Variants in SLC38A4 observed in about 807,000 individuals in gnomAD.
SLC38A4 encodes solute carrier family 38 member 4, also known as sodium-coupled neutral amino acid transporter 4.
Under a neutral mutation model 63.1 loss-of-function variants are expected in SLC38A4, and 20 were observed. That is an observed-to-expected ratio of 0.32 (90% CI 0.22 to 0.46). The LOEUF is 0.46. SLC38A4 is among the 20% of genes least tolerant of loss of function. SLC38A4 has a pLI of 1.00. For synonymous variants in SLC38A4, 230 were observed against 225.5 expected (o/e 1.02, Z -0.18); for missense variants, 526 against 663.6 (o/e 0.79, Z 2.28).
chr12:46,783,564 G>A (rs1252036684), intron 7 of SLC38A4, among the ~76,000 whole-genome samples: 1 of 152,046 alleles, frequency 6.6e-6, no homozygotes, highest in Non-Finnish European at 1.5e-5. Context: ...CTGTGGTCAT[G>A]AGGACGGACA....
intron 3 of SLC38A4, among the ~76,000 whole-genome samples, chr12:46,792,428 T>C (rs1290793919): frequency 6.6e-6 from 1 of 152,068 alleles, no homozygotes; most frequent in Non-Finnish European, 1.5e-5. Context: ...GAGTTCAGTA[T>C]TAGACATTAC....
Position 46,802,075 on chromosome 12 carries a change from T to C in SLC38A4, c.-113+1528A>G, listed in dbSNP as rs917739795. On this transcript the variant is annotated intron_variant, in intron 2 of 16. Coordinates refer to ENST00000266579, the MANE Select transcript of SLC38A4 (RefSeq NM_018018.5). Reference sequence around the variant, plus strand: ...TCTGAAAAGATTACATGCTTGCTAATATAAGAATTAAAGCAGCCATTTGAT... The same window carrying C: ...TCTGAAAAGATTACATGCTTGCTAACATAAGAATTAAAGCAGCCATTTGAT... Among the ~76,000 whole-genome samples the C allele has an allele frequency of 3.9e-5, 6 of 152,102 alleles. 1 individual carries two copies. The highest frequency in any genetic ancestry group is 3.9e-4 in the Admixed American group (6 of 15,258).
chr12:46,788,483 A>G lies in SLC38A4; in HGVS notation c.210+45T>C, dbSNP rs188379180. On this transcript the variant is annotated intron_variant, in intron 4 of 16. Transcript: ENST00000266579. ...TCCCACAGAGACCTAGGTAGATCAG[A>G]CACCCTCAGTCCCGTTTATTGCCTG... 12 of 1,476,064 alleles carry G rather than the reference A, an allele frequency of 8.1e-6. No homozygotes were observed. In the East Asian group the frequency reaches 1.6e-4, roughly 19 times the overall value. The allele number at this position is 1,476,064 out of a possible 1,614,324, so 91.4% of individuals were successfully genotyped here. A position where few individuals can be genotyped will look rare whatever the true frequency, so the allele number is the denominator to read the frequency against.
chr12:46,780,334 A>G (rs1214782622), intron 7 of SLC38A4, among the ~76,000 whole-genome samples: 2 of 151,910 alleles, frequency 1.3e-5, no homozygotes, highest in Non-Finnish European at 2.9e-5. Context: ...CATAGCCCAT[A>G]CTCAGTGTGC....
chr12:46,788,162 A>C (rs1212905969), intron 4 of SLC38A4, 131 bp from the exon 5 acceptor site: 1 of 641,440 alleles, frequency 1.6e-6, no homozygotes, highest in African/African-American at 1.8e-5. Flanking sequence ...ACAGGAGTAA[A>C]GCCATTACTC....
chr12:46,788,570 T>G lies in SLC38A4; in HGVS notation c.168A>C (p.Gly56=), dbSNP rs747264402. 1 of 1,613,754 alleles carries G rather than the reference T, an allele frequency of 6.2e-7. No individual in the cohort carries two copies. Among genetic ancestry groups the G allele is most frequent in the East Asian group, 2.2e-5 (1 of 44,854 alleles). Residue 56 remains glycine, a synonymous_variant, in exon 4 of 17, where the codon GGA becomes GGC. Transcript: ENST00000266579. ...DTESQKFLTN[G]FLGKKKLADY... is the part of the protein sequence containing the mutation. ...CTGCCAGCTTCTTTTTCCCCAAAAA[T>G]CCATTTGTCAGGAATTTCTGACTTT...
Position 46,766,740 on chromosome 12 carries a change from A to G in SLC38A4, c.1605T>C (p.Ile535=). Residue 535 remains isoleucine (I), a synonymous_variant, in exon 17 of 17, where the codon ATT becomes ATC. Transcript: ENST00000266579. ...AATTTGGAGGATCATAAATCCAGTC[A>G]ATTATAATGAGTGCCATGCTTCCAA... is the stretch of plus-strand genomic sequence containing the variant. ...FMIGSMALII[I]DWIYDPPNSK... is the part of the protein sequence containing the mutation. 1.9e-6 allele frequency: 3 copies of G among 1,612,236 alleles called. No homozygotes were observed. The highest frequency in any genetic ancestry group is 2.5e-6 in the Non-Finnish European group (3 of 1,178,908).
chr12:46,800,065 T>G (rs1939098312), intron 2 of SLC38A4, among the ~76,000 whole-genome samples: 1 of 152,072 alleles, frequency 6.6e-6, no homozygotes, highest in South Asian at 2.1e-4. Flanking sequence ...AACATAAAAT[T>G]TTCATAGGCA....
intron 7 of SLC38A4, 37 bp downstream of exon 7, chr12:46,784,505 A>C (rs1187972830): frequency 1.3e-5 from 20 of 1,531,458 alleles, no homozygotes; most frequent in Non-Finnish European, 1.8e-5. Context: ...ACGCTATAGA[A>C]AGTTTATGGG....
chr12:46,780,000 T>G lies in SLC38A4; in HGVS notation c.524A>C (p.Tyr175Ser). The change falls in exon 8 of 17, where the codon TAT (tyrosine) becomes TCT (serine). Residue 175 changes from tyrosine (Y) to serine (S), a missense_variant. Coordinates refer to ENST00000266579, the MANE Select transcript of SLC38A4 (RefSeq NM_018018.5). ...AMSSYLFIIKYELPEVIRAFM... is the reference protein window; with the variant it reads ...AMSSYLFIIKSELPEVIRAFM... Reference sequence around the variant, plus strand: ...TGCTCTGATTACTTCAGGTAGTTCATATTTAATGATAAAGAGGTAGCTTGA... The same window carrying G: ...TGCTCTGATTACTTCAGGTAGTTCAGATTTAATGATAAAGAGGTAGCTTGA... 6.2e-7 allele frequency: 1 copy of G among 1,612,390 alleles called. No homozygotes were observed. The highest frequency in any genetic ancestry group is 8.5e-7 in the Non-Finnish European group (1 of 1,178,926).
At chr12:46,817,559 CTTA>C (rs921349049) in intron 1 of SLC38A4, among the ~76,000 whole-genome samples, 3 of 151,914 alleles carry the variant, frequency 2.0e-5, no homozygotes, top group African/African-American at 7.2e-5. Context: ...CCTTCTTGCA[CTTA>C]TTGTTGCTCC....
intron 12 of SLC38A4, 148 bp downstream of exon 12, chr12:46,778,141 T>C: frequency 1.4e-6 from 1 of 702,530 alleles, no homozygotes; most frequent in South Asian, 1.9e-5. Flanking sequence ...TTCCCACCTT[T>C]CTGATTAAAG....
chr12:46,787,042 G>A (rs759491722), intron 5 of SLC38A4, among the ~76,000 whole-genome samples: 6 of 152,178 alleles, frequency 3.9e-5, no homozygotes, highest in Non-Finnish European at 7.3e-5. Context: ...GCACATAAAC[G>A]TCTGTTGTTG....
intron 3 of SLC38A4, among the ~76,000 whole-genome samples, chr12:46,789,349 G>C (rs1308789111): frequency 6.6e-6 from 1 of 152,058 alleles, no homozygotes; most frequent in Non-Finnish European, 1.5e-5. Flanking sequence ...ATTATTAACA[G>C]ATAATGAATG....
In SLC38A4 at chr12:46,779,766, G is replaced by A. The variant is rs1476159942; in HGVS notation, c.658+14C>T. ...ATAAAAATAAAAATATTTCCAGTTA[G>A]AAAATATCTTTACCTAAATTTTTAA... On this transcript the variant is annotated intron_variant, in intron 9 of 16. Transcript: ENST00000266579. The A allele has an allele frequency of 1.9e-5, 31 of 1,596,940 alleles. No homozygotes were observed. Among genetic ancestry groups the A allele is most frequent in the Non-Finnish European group, 2.5e-5 (29 of 1,171,894 alleles).
chr12:46,768,136 T>C (rs1001991051), intron 16 of SLC38A4, among the ~76,000 whole-genome samples, 174 bp downstream of exon 16: 1 of 152,138 alleles, frequency 6.6e-6, no homozygotes, highest in African/African-American at 2.4e-5. Flanking sequence ...TGAAGTAGAA[T>C]CATTTGAGTT....
chr12:46,805,893 G>A (rs1022642383), intron 1 of SLC38A4, among the ~76,000 whole-genome samples: 4 of 151,852 alleles, frequency 2.6e-5, no homozygotes, highest in African/African-American at 7.3e-5. Context: ...GTGTCTATAG[G>A]GGTAGGGGCT....
chr12:46,772,845 G>T (rs1938446938), intron 14 of SLC38A4, among the ~76,000 whole-genome samples: 1 of 152,022 alleles, frequency 6.6e-6, no homozygotes, highest in Admixed American at 6.6e-5. Context: ...ATTAGGTTTT[G>T]TTAGTTTTAT....
chr12:46,782,504 C>A (rs953824110), intron 7 of SLC38A4, among the ~76,000 whole-genome samples: 1 of 151,886 alleles, frequency 6.6e-6, no homozygotes, highest in African/African-American at 2.4e-5. Flanking sequence ...TTGAATTAGG[C>A]ATAGGGGAAA....
Sources: gnomAD v4.1 joint callset for allele counts (sites outside exome capture counted in the v4.1 genomes callset) on GRCh38, gnomAD v4.1.1 for gene constraint, MANE v1.5 for transcripts, NCBI Gene and HGNC (gene_info 2026-07-23, HGNC 2026-07-21) for gene names.